INSYN2B: variants seen among roughly 807,000 people sequenced by gnomAD.
INSYN2B encodes the protein protein INSYN2B.
INSYN2B carries 16 observed loss-of-function variants against 41.2 expected under a neutral mutation model. That is an observed-to-expected ratio of 0.39 (90% CI 0.26 to 0.59). The LOEUF (loss-of-function observed/expected upper bound fraction) is 0.59, where lower values mean the gene tolerates loss of function less well. INSYN2B is among the 20% of genes least tolerant of loss of function. The pLI is 0.57. For missense variants in INSYN2B, 608 were observed against 646.4 expected, an observed-to-expected ratio of 0.94 and a Z score of 0.64; for synonymous variants, 245 against 244.4, an observed-to-expected ratio of 1.00 and a Z score of -0.02.
intron 1 of INSYN2B, among the ~76,000 whole-genome samples, chr5:169,942,708 GC>G (rs1208187488): frequency 6.6e-6 from 1 of 152,146 alleles, no homozygotes; most frequent in African/African-American, 2.4e-5. Flanking sequence ...AGAGGACACA[GC>G]TCCTGCCCTC....
chr5:169,885,434 G>A (rs1240812476), intron 1 of INSYN2B, among the ~76,000 whole-genome samples: 2 of 152,208 alleles, frequency 1.3e-5, no homozygotes, highest in Non-Finnish European at 2.9e-5. Context: ...GAAGGTCCTA[G>A]GGTATCCTGC....
chr5:169,863,271 G>A lies in INSYN2B; in HGVS notation c.*1002C>T, dbSNP rs1281900948. 1.3e-5 allele frequency among the ~76,000 whole-genome samples: 2 copies of A among 152,190 alleles called. No individual in the cohort carries two copies. Among genetic ancestry groups the A allele is most frequent in the African/African-American group, 4.8e-5 (2 of 41,444 alleles). Reference sequence around the variant, plus strand: ...GACCATTGTCTGGTCACCAGGAAGGGAGACTGTGTCGATTAATATATGTTT... The same window carrying A: ...GACCATTGTCTGGTCACCAGGAAGGAAGACTGTGTCGATTAATATATGTTT... On this transcript the variant is annotated 3_prime_UTR_variant, in exon 4 of 4. Coordinates refer to ENST00000377365, the MANE Select transcript of INSYN2B (RefSeq NM_001129891.3).
At chr5:169,949,072 G>A (rs537510256) in intron 1 of INSYN2B, among the ~76,000 whole-genome samples, 1 of 152,292 alleles carries the variant, frequency 6.6e-6, no homozygotes, top group East Asian at 1.9e-4. Flanking sequence ...ATTATTAAAG[G>A]AAAAGCAGAG....
At chr5:169,904,326 C>A (rs993334222) in intron 1 of INSYN2B, among the ~76,000 whole-genome samples, 1 of 152,152 alleles carries the variant, frequency 6.6e-6, no homozygotes, top group African/African-American at 2.4e-5. Context: ...TTTCTTGCAA[C>A]GCTGGGCTTG....
At chr5:169,946,790 G>A (rs185835013) in intron 1 of INSYN2B, among the ~76,000 whole-genome samples, 8 of 152,338 alleles carry the variant, frequency 5.3e-5, no homozygotes, top group African/African-American at 1.4e-4. Context: ...TGAGAGTGAC[G>A]TGGGGCTGAG....
chr5:169,919,751 T>A (rs556975341), intron 1 of INSYN2B, among the ~76,000 whole-genome samples: 29 of 152,328 alleles, frequency 1.9e-4, no homozygotes, highest in African/African-American at 6.5e-4. Context: ...AACCTGCTAA[T>A]GTGGGGGCAA....
At chr5:169,867,396 G>A (rs1215453760) in intron 3 of INSYN2B, among the ~76,000 whole-genome samples, 1 of 150,930 alleles carries the variant, frequency 6.6e-6, no homozygotes, top group East Asian at 2.0e-4. Flanking sequence ...AGGAACCATG[G>A]GTGAAAACCT....
chr5:169,925,327 G>A (rs376681056), intron 1 of INSYN2B, among the ~76,000 whole-genome samples: 2 of 152,130 alleles, frequency 1.3e-5, no homozygotes. Flanking sequence ...CCTGGTAAGA[G>A]CATCGTCTTG....
At chr5:169,932,779 C>T (rs1451624998) in intron 1 of INSYN2B, among the ~76,000 whole-genome samples, 1 of 152,154 alleles carries the variant, frequency 6.6e-6, no homozygotes, top group Non-Finnish European at 1.5e-5. Context: ...TACAAACACT[C>T]ACCTATGCAT....
At chr5:169,953,152 T>A (rs1470120576) in intron 1 of INSYN2B, among the ~76,000 whole-genome samples, 1 of 152,048 alleles carries the variant, frequency 6.6e-6, no homozygotes, top group Non-Finnish European at 1.5e-5. Context: ...CGAAACCCTG[T>A]CTCTACTAAA....
intron 1 of INSYN2B, among the ~76,000 whole-genome samples, chr5:169,949,904 T>G (rs1320616152): frequency 6.6e-6 from 1 of 152,072 alleles, no homozygotes; most frequent in Non-Finnish European, 1.5e-5. Flanking sequence ...TATCAGTTAG[T>G]AACTCTTCTT....
Position 169,881,363 on chromosome 5 carries a change from G to A in INSYN2B, c.1421+5C>T. 6.4e-7 allele frequency: 1 copy of A among 1,550,986 alleles called. No individual in the cohort carries two copies. The highest frequency in any genetic ancestry group is 8.7e-7 in the Non-Finnish European group (1 of 1,146,366). ...ACAGAGCAGGCCTCGCTTGTGGCCA[G>A]GTACCTGTATATGATGCACGCCGTG... On this transcript the variant is annotated splice_donor_5th_base_variant and intron_variant, in intron 3 of 3. Coordinates refer to ENST00000377365, the MANE Select transcript of INSYN2B (RefSeq NM_001129891.3).
chr5:169,865,954 G>C (rs1771521443), intron 3 of INSYN2B, among the ~76,000 whole-genome samples: 1 of 152,244 alleles, frequency 6.6e-6, no homozygotes, highest in South Asian at 2.1e-4. Flanking sequence ...CCGTTGCCAT[G>C]CATGACGAAT....
At chr5:169,954,056 AC>A (rs1419527595) in intron 1 of INSYN2B, among the ~76,000 whole-genome samples, 1 of 152,178 alleles carries the variant, frequency 6.6e-6, no homozygotes, top group Non-Finnish European at 1.5e-5. Flanking sequence ...ACTTTCAAAG[AC>A]CCTGAACACT....
intron 1 of INSYN2B, among the ~76,000 whole-genome samples, chr5:169,942,745 G>T (rs1293977460): frequency 6.6e-6 from 1 of 152,148 alleles, no homozygotes; most frequent in Non-Finnish European, 1.5e-5. Context: ...GACCACGAGG[G>T]TTCAGGAAAC....
At position 169,864,378 on chromosome 5, in the gene INSYN2B, C is replaced by T; in HGVS notation, c.1503G>A (p.Glu501=). ...QSLEEAEPVE[E]ASPPPKSPAE... is the part of the protein sequence containing the mutation. ...CTGGGGACTTTGGTGGGGGCGATGC[C>T]TCCTCAACTGGCTCTGCTTCCTCCA... Residue 501 remains glutamate, a synonymous_variant, in exon 4 of 4, where the codon GAG becomes GAA. Transcript: ENST00000377365. 1.3e-6 allele frequency: 2 copies of T among 1,551,582 alleles called. No homozygotes were observed. The highest frequency in any genetic ancestry group is 2.4e-5 in the East Asian group (1 of 40,916).
rs76987645 is a variant in INSYN2B at position 169,872,717 on chromosome 5, T to C, written c.1422-8258A>G. Among the ~76,000 whole-genome samples the C allele has an allele frequency of 5.3e-3, 805 of 152,252 alleles. 9 individuals are homozygous for C. Among genetic ancestry groups the C allele is most frequent in the African/African-American group, 0.019 (782 of 41,530 alleles). ...ATCTCCGAGAAAGTTAACACACTTA[T>C]TCACTGACGATGCAAGGTCACAAGG... is the stretch of plus-strand genomic sequence containing the variant. On this transcript the variant is annotated intron_variant, in intron 3 of 3. Transcript: ENST00000377365.
chr5:169,930,876 A>G (rs866860572), intron 1 of INSYN2B, among the ~76,000 whole-genome samples: 13 of 152,130 alleles, frequency 8.5e-5, no homozygotes, highest in African/African-American at 1.4e-4. Context: ...TTCACAACAA[A>G]TTAGCCATAC....
At chr5:169,875,499 G>C (rs188050595) in intron 3 of INSYN2B, 1 of 323,970 alleles carries the variant, frequency 3.1e-6, no homozygotes, top group South Asian at 2.5e-5. Flanking sequence ...GCAGCATGCT[G>C]TGGAATCTGG....
Sources: allele counts gnomAD v4.1 joint callset (sites outside exome capture counted in the v4.1 genomes callset), GRCh38; gene constraint gnomAD v4.1.1; transcripts MANE v1.5; gene names NCBI Gene and HGNC (gene_info 2026-07-23, HGNC 2026-07-21).